The following CDH13 variants were observed in gnomAD, a reference collection of about 807,000 sequenced individuals.
The protein encoded by CDH13 is cadherin 13.
Under a neutral mutation model 63.8 loss-of-function variants are expected in CDH13, and 24 were observed. The observed-to-expected ratio is 0.38, with a 90% CI of 0.27 to 0.53. The LOEUF (loss-of-function observed/expected upper bound fraction) is 0.53. CDH13 is among the 20% of genes least tolerant of loss of function. The pLI is 0.85. For synonymous variants in CDH13, 503 were observed against 355.3 expected, an observed-to-expected ratio of 1.42 and a Z score of -4.67; for missense variants, 1,049 against 903.1, an observed-to-expected ratio of 1.16 and a Z score of -2.07.
intron 11 of CDH13, among the ~76,000 whole-genome samples, chr16:83,767,521 G>A (rs1381649001): frequency 2.0e-5 from 3 of 151,988 alleles, no homozygotes; most frequent in African/African-American, 7.3e-5. Context: ...CCAGTCTTGG[G>A]TATATCTTTA....
At chr16:82,951,961 C>T (rs1177651099) in intron 2 of CDH13, among the ~76,000 whole-genome samples, 1 of 152,226 alleles carries the variant, frequency 6.6e-6, no homozygotes, top group Non-Finnish European at 1.5e-5. Flanking sequence ...GTTTACAAGA[C>T]TCCCTCCCAA....
At chr16:83,607,215 C>T (rs183687793) in intron 8 of CDH13, among the ~76,000 whole-genome samples, 4 of 152,038 alleles carry the variant, frequency 2.6e-5, no homozygotes, top group Admixed American at 6.6e-5. Flanking sequence ...GTCAGGAGTT[C>T]GAGACCAACC....
chr16:82,724,977 G>A (rs2151027001), intron 1 of CDH13, among the ~76,000 whole-genome samples: 1 of 152,254 alleles, frequency 6.6e-6, no homozygotes, highest in Middle Eastern at 3.4e-3. Context: ...TAAATAAGAT[G>A]GCTTCTTAAG....
chr16:82,777,144 T>A (rs989322778), intron 1 of CDH13, among the ~76,000 whole-genome samples: 4 of 152,184 alleles, frequency 2.6e-5, no homozygotes, highest in African/African-American at 9.6e-5. Context: ...TTTGTTTGTT[T>A]ATTTTGTAGC....
At chr16:83,196,203 C>A (rs1201583285) in intron 4 of CDH13, among the ~76,000 whole-genome samples, 1 of 152,034 alleles carries the variant, frequency 6.6e-6, no homozygotes, top group African/African-American at 2.4e-5. Context: ...TTGCAGTGAG[C>A]CTAGAACACG....
intron 5 of CDH13, among the ~76,000 whole-genome samples, chr16:83,329,022 C>T (rs770656625): frequency 3.3e-5 from 5 of 152,126 alleles, no homozygotes; most frequent in Non-Finnish European, 5.9e-5. Flanking sequence ...CTCTACTGGG[C>T]CTTAGCACCT....
chr16:82,985,079 G>T (rs1910764496), intron 2 of CDH13, among the ~76,000 whole-genome samples: 1 of 152,160 alleles, frequency 6.6e-6, no homozygotes, highest in Non-Finnish European at 1.5e-5. Flanking sequence ...TCAAATTCAA[G>T]ACCTGTTGAA....
chr16:83,043,661 C>T (rs1277638186), intron 3 of CDH13, among the ~76,000 whole-genome samples: 2 of 151,916 alleles, frequency 1.3e-5, no homozygotes, highest in Non-Finnish European at 2.9e-5. Context: ...GAGTTTGAGA[C>T]CAGCCTGGCC....
At chr16:83,233,879 C>A (rs1034045268) in intron 5 of CDH13, among the ~76,000 whole-genome samples, 2 of 152,166 alleles carry the variant, frequency 1.3e-5, no homozygotes, top group Non-Finnish European at 2.9e-5. Context: ...GCTATTCTAC[C>A]TACCACCACA....
At chr16:83,061,705 C>A (rs1597250523) in intron 3 of CDH13, among the ~76,000 whole-genome samples, 1 of 152,042 alleles carries the variant, frequency 6.6e-6, no homozygotes, top group African/African-American at 2.4e-5. Context: ...CTCCAGTGAG[C>A]TAAAAAGTAT....
chr16:83,285,129 C>T (rs565657465), intron 5 of CDH13, among the ~76,000 whole-genome samples: 1 of 151,980 alleles, frequency 6.6e-6, no homozygotes, highest in Admixed American at 6.6e-5. Context: ...GTCTGGAGGA[C>T]CAGAGTATCG....
chr16:83,235,856 C>T (rs1427974973), intron 5 of CDH13, among the ~76,000 whole-genome samples: 3 of 151,714 alleles, frequency 2.0e-5, no homozygotes, highest in African/African-American at 4.8e-5. Context: ...TCTTTTTTGT[C>T]ACTCACTGCA....
intron 4 of CDH13, among the ~76,000 whole-genome samples, chr16:83,190,361 G>C (rs2038660349): frequency 6.6e-6 from 1 of 152,304 alleles, no homozygotes; most frequent in East Asian, 1.9e-4. Context: ...CAAATCTATA[G>C]CTACTGTCCT....
chr16:83,497,434 T>C (rs1323982407), intron 7 of CDH13, among the ~76,000 whole-genome samples: 1 of 147,468 alleles, frequency 6.8e-6, no homozygotes, highest in East Asian at 2.0e-4. Context: ...CACCGCATAT[T>C]CTCACTCATA....
chr16:83,250,275 C>T (rs369272145), intron 5 of CDH13, among the ~76,000 whole-genome samples: 15 of 152,084 alleles, frequency 9.9e-5, no homozygotes, highest in African/African-American at 3.4e-4. Context: ...TTTACTTTTT[C>T]ATTCATTAAT....
intron 4 of CDH13, among the ~76,000 whole-genome samples, chr16:83,135,329 G>A (rs1361797175): frequency 6.6e-6 from 1 of 152,160 alleles, no homozygotes; most frequent in African/African-American, 2.4e-5. Context: ...CCACCACAAC[G>A]TGTGTGAATG....
At chr16:82,635,118 C>A (rs1299304967) in intron 1 of CDH13, among the ~76,000 whole-genome samples, 1 of 152,236 alleles carries the variant, frequency 6.6e-6, no homozygotes, top group Non-Finnish European at 1.5e-5. Flanking sequence ...CTTTCTCCTC[C>A]ACTAGACTAT....
At chr16:83,590,903 C>CTTTTTT (rs34324940) in intron 7 of CDH13, among the ~76,000 whole-genome samples, 3 of 88,852 alleles carry the variant, frequency 3.4e-5, no homozygotes, top group South Asian at 4.8e-4. Context: ...CCAGGGGATT[C>CTTTTTT]TTTTTTTTTT....
chr16:83,114,898 CAAT>C (rs1257460933), intron 3 of CDH13, among the ~76,000 whole-genome samples: 5 of 152,202 alleles, frequency 3.3e-5, no homozygotes, highest in Non-Finnish European at 7.3e-5. Context: ...CTTTGTAGCA[CAAT>C]GAGATCAGCT....
Sources: gnomAD v4.1 joint callset for allele counts (sites outside exome capture counted in the v4.1 genomes callset) on GRCh38, gnomAD v4.1.1 for gene constraint, MANE v1.5 for transcripts, NCBI Gene and HGNC (gene_info 2026-07-23, HGNC 2026-07-21) for gene names.